RNF150: variants seen among roughly 807,000 people sequenced by gnomAD.
RNF150 encodes ring finger protein 150.
RNF150 carries 24 observed loss-of-function variants against 39.3 expected under a neutral mutation model. That is an observed-to-expected ratio of 0.61 (90% CI 0.44 to 0.86). The LOEUF is 0.86. Among genes scored for constraint, RNF150 ranks in the 40% least tolerant of loss-of-function variants. The pLI is 0.00. For synonymous variants in RNF150, 255 were observed against 227.3 expected (o/e 1.12, Z -1.10); for missense variants, 502 against 587.8 (o/e 0.85, Z 1.51).
intron 4 of RNF150, among the ~76,000 whole-genome samples, chr4:140,927,089 G>T (rs1731429108): frequency 6.6e-6 from 1 of 152,144 alleles, no homozygotes. Context: ...GTGTTAGAGG[G>T]TGCTGGGCTC....
At position 140,931,081 on chromosome 4, in the gene RNF150, G is replaced by A. The variant is rs191369411; in HGVS notation, c.891-5008C>T. 1.4e-3 allele frequency among the ~76,000 whole-genome samples: 219 copies of A among 152,048 alleles called. 2 individuals are homozygous for A. Among genetic ancestry groups the A allele is most frequent in the African/African-American group, 4.9e-3 (205 of 41,452 alleles). The stretch of plus-strand genomic sequence containing the variant: ...TGTGTGTGTGTGTTTGGGGTGTGGG[G>A]AGAGAGAGAAGGGGCGGGGAAAGGG... On this transcript the variant is annotated intron_variant, in intron 4 of 6. Coordinates refer to ENST00000515673, the MANE Select transcript of RNF150 (RefSeq NM_020724.2).
chr4:141,183,046 T>A (rs977017811), intron 1 of RNF150, among the ~76,000 whole-genome samples: 2 of 152,172 alleles, frequency 1.3e-5, no homozygotes, highest in African/African-American at 4.8e-5. Flanking sequence ...TGTTGATTAT[T>A]TTAAAGAAAA....
intron 1 of RNF150, among the ~76,000 whole-genome samples, chr4:141,191,089 G>A (rs17006963): frequency 0.03 from 4,596 of 152,208 alleles, 230 homozygotes; most frequent in African/African-American, 0.099. Context: ...AGAAGAGATG[G>A]GTCCTTAAAT....
chr4:141,060,253 C>A (rs1035297565), intron 1 of RNF150, among the ~76,000 whole-genome samples: 18 of 152,142 alleles, frequency 1.2e-4, no homozygotes, highest in Non-Finnish European at 1.8e-4. Flanking sequence ...CCAGCCTGGG[C>A]AACATAGTGA....
chr4:141,198,636 G>A (rs1728243221), intron 1 of RNF150, among the ~76,000 whole-genome samples: 1 of 152,314 alleles, frequency 6.6e-6, no homozygotes, highest in East Asian at 1.9e-4. Flanking sequence ...CTAAACAGAA[G>A]TATACTTCAG....
chr4:140,949,304 G>C lies in RNF150; in HGVS notation c.804C>G (p.Asp268Glu), dbSNP rs1410809747. The change falls in exon 3 of 7, where the codon GAC becomes GAG. Residue 268 changes from aspartate (D) to glutamate (E), a missense_variant. By Grantham distance (45) the Asp-to-Glu change is conservative (BLOSUM62 2). Transcript: ENST00000515673. ...AAAGAAAAGAGGCTGCTATTACCTT[G>C]TCACCCTTCTTGATGGTCCTGATCT... The part of the protein sequence containing the change: ...KLQIRTIKKG[D>E]KETESDFDNC... The C allele has an allele frequency of 6.2e-7, 1 of 1,610,208 alleles. No individual in the cohort carries two copies. Among genetic ancestry groups the C allele is most frequent in the Non-Finnish European group, 8.5e-7 (1 of 1,177,654 alleles).
intron 1 of RNF150, among the ~76,000 whole-genome samples, chr4:141,052,789 C>A (rs996123314): frequency 5.3e-5 from 8 of 152,184 alleles, no homozygotes; most frequent in African/African-American, 1.7e-4. Flanking sequence ...CTACTCAGCT[C>A]TAGCATATTG....
chr4:141,090,742 G>A (rs1309127201), intron 1 of RNF150, among the ~76,000 whole-genome samples: 2 of 152,164 alleles, frequency 1.3e-5, no homozygotes, highest in Non-Finnish European at 2.9e-5. Flanking sequence ...CCTATCTTTA[G>A]ACGGAGCAGC....
intron 1 of RNF150, among the ~76,000 whole-genome samples, chr4:141,083,769 A>AAG (rs1738248740): frequency 1.3e-5 from 2 of 152,190 alleles, no homozygotes; most frequent in African/African-American, 4.8e-5. Context: ...GCACAAAGCT[A>AAG]CGTGGTTCAA....
At chr4:140,900,273 T>A (rs1472957290) in intron 6 of RNF150, among the ~76,000 whole-genome samples, 1 of 152,146 alleles carries the variant, frequency 6.6e-6, no homozygotes, top group East Asian at 1.9e-4. Context: ...CTGTTGAATA[T>A]AACCAATACA....
At chr4:141,168,257 A>T (rs1038502965) in intron 1 of RNF150, among the ~76,000 whole-genome samples, 1 of 152,188 alleles carries the variant, frequency 6.6e-6, no homozygotes, top group Non-Finnish European at 1.5e-5. Context: ...ACCATCTCAC[A>T]CGAGTTAGAA....
intron 2 of RNF150, among the ~76,000 whole-genome samples, chr4:140,967,039 C>G (rs1428368435): frequency 6.6e-6 from 1 of 152,032 alleles, no homozygotes; most frequent in Non-Finnish European, 1.5e-5. Context: ...GAGAGAGAAG[C>G]GTACAGAGTT....
At chr4:140,918,174 C>T (rs906515894) in intron 5 of RNF150, among the ~76,000 whole-genome samples, 29 of 151,956 alleles carry the variant, frequency 1.9e-4, no homozygotes, top group Non-Finnish European at 3.4e-4. Flanking sequence ...TAGCAGAAAG[C>T]AAGAAATAAC....
At chr4:141,069,958 T>C (rs1045550537) in intron 1 of RNF150, among the ~76,000 whole-genome samples, 14 of 152,176 alleles carry the variant, frequency 9.2e-5, no homozygotes, top group Admixed American at 2.6e-4. Context: ...TTTTTTTCTT[T>C]ATTAGTCTTG....
intron 1 of RNF150, among the ~76,000 whole-genome samples, chr4:141,017,668 A>G (rs923963473): frequency 6.6e-6 from 1 of 152,180 alleles, no homozygotes; most frequent in Admixed American, 6.5e-5. Flanking sequence ...TCTTCTCTCT[A>G]AACACTTGCA....
intron 6 of RNF150, among the ~76,000 whole-genome samples, chr4:140,897,341 C>T (rs991121018): frequency 2.0e-5 from 3 of 152,130 alleles, no homozygotes; most frequent in Non-Finnish European, 2.9e-5. Flanking sequence ...GCTGGGCATA[C>T]GTTTTGAAAC....
intron 1 of RNF150, among the ~76,000 whole-genome samples, chr4:141,003,316 A>G (rs1579045176): frequency 6.6e-6 from 1 of 152,134 alleles, no homozygotes; most frequent in East Asian, 1.9e-4. Flanking sequence ...GATACACAGG[A>G]GACTAACTTA....
chr4:140,983,926 G>C (rs1185601199), intron 1 of RNF150, among the ~76,000 whole-genome samples: 1 of 151,748 alleles, frequency 6.6e-6, no homozygotes, highest in Non-Finnish European at 1.5e-5. Context: ...TTTTAGTAGA[G>C]GCAGGGTTTC....
At chr4:141,118,995 A>G in intron 1 of RNF150, among the ~76,000 whole-genome samples, 2 of 152,164 alleles carry the variant, frequency 1.3e-5, no homozygotes, top group East Asian at 3.9e-4. Flanking sequence ...TCCTGACCTC[A>G]GGTGATCCAC....
Sources: gnomAD v4.1 joint callset for allele counts (sites outside exome capture counted in the v4.1 genomes callset) on GRCh38, gnomAD v4.1.1 for gene constraint, MANE v1.5 for transcripts, NCBI Gene and HGNC (gene_info 2026-07-23, HGNC 2026-07-21) for gene names.